The following CHIC1 variants were observed in gnomAD, a reference collection of about 807,000 sequenced individuals.
CHIC1 encodes the protein cysteine-rich hydrophobic domain-containing protein 1.
In CHIC1, 7 loss-of-function variants were observed where a neutral mutation model predicts 18.5. That is an observed-to-expected ratio of 0.38 (90% confidence interval 0.22 to 0.71). CHIC1 has a LOEUF of 0.71. Among genes scored for constraint, CHIC1 ranks in the 30% least tolerant of loss-of-function variants. The pLI is 0.49. For missense variants in CHIC1, 159 were observed against 176.9 expected, an observed-to-expected ratio of 0.90 and a Z score of 0.57; for synonymous variants, 77 against 73.5, an observed-to-expected ratio of 1.05 and a Z score of -0.25.
intron 3 of CHIC1, among the ~76,000 whole-genome samples, chrX:73,668,487 G>C (rs1179770706): frequency 9.0e-6 from 1 of 111,645 alleles, no homozygotes; most frequent in Non-Finnish European, 1.9e-5. Flanking sequence ...TCTCATCCTT[G>C]TGGGATTATC....
intron 1 of CHIC1, among the ~76,000 whole-genome samples, chrX:73,570,099 A>G (rs1362273545): frequency 8.9e-6 from 1 of 111,992 alleles, no homozygotes; most frequent in Non-Finnish European, 1.9e-5. Context: ...CAAAGCTAAC[A>G]GGAACATTGC....
chrX:73,592,434 A>G (rs766716551), intron 3 of CHIC1, among the ~76,000 whole-genome samples: 63 of 111,885 alleles, frequency 5.6e-4, no homozygotes, highest in African/African-American at 2.0e-3. Context: ...GGTTTTATCA[A>G]AGGCTTTTTC....
At chrX:73,618,759 T>G (rs917693408) in intron 3 of CHIC1, among the ~76,000 whole-genome samples, 1 of 112,533 alleles carries the variant, frequency 8.9e-6, no homozygotes, top group African/African-American at 3.2e-5. Context: ...CTGCTGTGGC[T>G]TCTGTGCTAT....
chrX:73,630,077 A>G (rs762129167), intron 3 of CHIC1, among the ~76,000 whole-genome samples: 1 of 112,018 alleles, frequency 8.9e-6, no homozygotes, highest in South Asian at 3.7e-4. Context: ...CTGTATAAAA[A>G]CACAACTGTT....
rs1179153804 is a variant in CHIC1, at chrX:73,576,355, C to A, written c.297-1052C>A. Among the ~76,000 whole-genome samples, 3 of 110,308 alleles carry A rather than the reference C, an allele frequency of 2.7e-5. No individual in the cohort carries two copies. In the Admixed American group the frequency reaches 2.9e-4, roughly 11 times the overall value. ...GGTGGCAAAGTAAGTTTGTTTATAC[C>A]AGCATCACCACAAACGTGTGTAATG... On this transcript the variant is annotated intron_variant, in intron 1 of 5. Transcript: ENST00000373502.
At chrX:73,573,791 T>TA (rs748133794) in intron 1 of CHIC1, among the ~76,000 whole-genome samples, 1 of 111,673 alleles carries the variant, frequency 9.0e-6, no homozygotes, top group South Asian at 3.7e-4. Flanking sequence ...CCTGAAACTT[T>TA]AGTGAAGTTT....
intron 3 of CHIC1, among the ~76,000 whole-genome samples, chrX:73,590,173 G>A (rs941762572): frequency 9.0e-6 from 1 of 110,632 alleles, no homozygotes; most frequent in Non-Finnish European, 1.9e-5. Context: ...AATATCTGGT[G>A]TCACTTGATG....
At chrX:73,617,461 A>T (rs1223249918) in intron 3 of CHIC1, among the ~76,000 whole-genome samples, 1 of 111,254 alleles carries the variant, frequency 9.0e-6, no homozygotes, top group Non-Finnish European at 1.9e-5. Context: ...GCAGGACCCC[A>T]CTCTACCAGT....
At chrX:73,577,889 A>G (rs1170658156) in intron 2 of CHIC1, among the ~76,000 whole-genome samples, 1 of 109,840 alleles carries the variant, frequency 9.1e-6, no homozygotes, top group Non-Finnish European at 1.9e-5. Flanking sequence ...TCTGACTTTT[A>G]GATAGTTGGA....
chrX:73,597,042 C>T (rs780592724), intron 3 of CHIC1, among the ~76,000 whole-genome samples: 1 of 111,920 alleles, frequency 8.9e-6, no homozygotes, highest in South Asian at 3.7e-4. Flanking sequence ...TGTAACTAAA[C>T]TAAAGAGCTT....
At chrX:73,595,603 T>A (rs2057604264) in intron 3 of CHIC1, among the ~76,000 whole-genome samples, 1 of 111,765 alleles carries the variant, frequency 8.9e-6, no homozygotes, top group Non-Finnish European at 1.9e-5. Flanking sequence ...GTTTTAAGTC[T>A]TTGCTATAGT....
intron 3 of CHIC1, among the ~76,000 whole-genome samples, chrX:73,656,044 C>T (rs927988329): frequency 3.6e-5 from 4 of 111,419 alleles, no homozygotes; most frequent in African/African-American, 6.5e-5. Context: ...TTTTGATTTG[C>T]ATTACTCTAA....
intron 3 of CHIC1, among the ~76,000 whole-genome samples, chrX:73,671,017 A>AGGTCTATTT (rs2058027398): frequency 8.9e-6 from 1 of 112,094 alleles, no homozygotes; most frequent in Non-Finnish European, 1.9e-5. Flanking sequence ...AATGTCTATT[A>AGGTCTATTT]GGTCTATTTG....
chrX:73,574,464 T>C (rs1348940241), intron 1 of CHIC1, among the ~76,000 whole-genome samples: 1 of 110,755 alleles, frequency 9.0e-6, no homozygotes, highest in Non-Finnish European at 1.9e-5. Context: ...GAAAGAGTCC[T>C]TCCTTTTCAA....
chrX:73,611,024 T>A (rs1424431393), intron 3 of CHIC1, among the ~76,000 whole-genome samples: 4 of 107,948 alleles, frequency 3.7e-5, no homozygotes, highest in Non-Finnish European at 5.7e-5. Flanking sequence ...ACCAGCTTTT[T>A]TTATTATTAT....
chrX:73,615,130 T>A (rs1456414219), intron 3 of CHIC1, among the ~76,000 whole-genome samples: 1 of 111,859 alleles, frequency 8.9e-6, no homozygotes, highest in Non-Finnish European at 1.9e-5. Flanking sequence ...TATTTTCAGT[T>A]GTAAAAGCAT....
chrX:73,662,049 T>A (rs1433083439), intron 3 of CHIC1, among the ~76,000 whole-genome samples: 2 of 104,995 alleles, frequency 1.9e-5, no homozygotes, highest in South Asian at 4.1e-4. Flanking sequence ...AATAAAAAAA[T>A]AAATAAAAAT....
chrX:73,577,355 A>C (rs1324002716), intron 1 of CHIC1, 52 bp from the exon 2 acceptor site: 39 of 935,767 alleles, frequency 4.2e-5, no homozygotes, highest in Non-Finnish European at 5.6e-5. Context: ...AAAAAAAGGG[A>C]AGATTTAAGT....
At chrX:73,677,540 G>A (rs772315072) in intron 3 of CHIC1, among the ~76,000 whole-genome samples, 1 of 112,417 alleles carries the variant, frequency 8.9e-6, no homozygotes, top group South Asian at 3.7e-4. Context: ...CTCCGAGCCA[G>A]GTGCAGGATA....
Sources: gnomAD v4.1 joint callset for allele counts (sites outside exome capture counted in the v4.1 genomes callset) on GRCh38, gnomAD v4.1.1 for gene constraint, MANE v1.5 for transcripts, NCBI Gene and HGNC (gene_info 2026-07-23, HGNC 2026-07-21) for gene names.